PPARA: variants seen among roughly 807,000 people sequenced by gnomAD.
PPARA encodes the protein peroxisome proliferator activated receptor alpha.
A neutral mutation model predicts 42.2 loss-of-function variants in PPARA; 22 were observed. That is an observed-to-expected ratio of 0.52 (90% CI 0.37 to 0.74). The LOEUF (loss-of-function observed/expected upper bound fraction) is 0.74, where lower values mean the gene tolerates loss of function less well. PPARA is among the 30% of genes least tolerant of loss of function. PPARA has a pLI of 0.00. For synonymous variants in PPARA, 242 were observed against 239.3 expected, an observed-to-expected ratio of 1.01 and a Z score of -0.10; for missense variants, 465 against 608.2, an observed-to-expected ratio of 0.76 and a Z score of 2.48.
intron 4 of PPARA, among the ~76,000 whole-genome samples, chr22:46,205,273 G>A (rs1218008110): frequency 6.6e-6 from 1 of 151,290 alleles, no homozygotes; most frequent in East Asian, 1.9e-4. Flanking sequence ...CTGGAGTTCA[G>A]TGGCATGATC....
chr22:46,166,884 C>G (rs1601620722), intron 2 of PPARA, among the ~76,000 whole-genome samples: 1 of 151,982 alleles, frequency 6.6e-6, no homozygotes, highest in Non-Finnish European at 1.5e-5. Flanking sequence ...TAACCTGATT[C>G]TAAAGTTTAT....
At chr22:46,206,307 G>A (rs576315890) in intron 4 of PPARA, among the ~76,000 whole-genome samples, 4 of 152,128 alleles carry the variant, frequency 2.6e-5, no homozygotes, top group South Asian at 2.1e-4. Flanking sequence ...TACTAGAGAC[G>A]GGTTTCACTA....
Position 46,220,028 on chromosome 22 carries a change from G to C in PPARA, c.711+14G>C, listed in dbSNP as rs757545271. ...AGTAACAATCCAGTAGGTGTTTGCG[G>C]CTGTTCTGGGTTCTCTTGGCAACAT... is the stretch of plus-strand genomic sequence containing the variant. On this transcript the variant is annotated intron_variant, in intron 7 of 8. Transcript: ENST00000407236. 2 of 1,613,368 alleles carry C rather than the reference G, an allele frequency of 1.2e-6. No homozygotes were observed. Among genetic ancestry groups the C allele is most frequent in the Non-Finnish European group, 1.7e-6 (2 of 1,179,922 alleles).
Position 46,195,047 on chromosome 22 carries a change from C to T in PPARA, c.-42-3295C>T, listed in dbSNP as rs148570514. The stretch of plus-strand genomic sequence containing the variant: ...TCTCCTGAGTAGCTGGGATTACAGG[C>T]GCCTACCACCACGCCCGGCTAATTT... On this transcript the variant is annotated intron_variant, in intron 3 of 8. Coordinates refer to ENST00000407236, the MANE Select transcript of PPARA (RefSeq NM_005036.6). This position sits in a 1 kb window ranked among gnomAD's most constrained non-coding sequence, Gnocchi z 4.6. 6.9e-3 allele frequency among the ~76,000 whole-genome samples: 1,035 copies of T among 150,742 alleles called. 16 individuals carry two copies. The highest frequency in any genetic ancestry group is 0.024 in the African/African-American group (998 of 41,078).
chr22:46,229,795 A>C (rs892359805), intron 7 of PPARA, among the ~76,000 whole-genome samples: 2 of 152,196 alleles, frequency 1.3e-5, no homozygotes, highest in Non-Finnish European at 2.9e-5. Flanking sequence ...GTAATTTTTT[A>C]AATATCCCCT....
intron 7 of PPARA, among the ~76,000 whole-genome samples, chr22:46,228,307 G>A (rs1935613213): frequency 6.6e-6 from 1 of 152,196 alleles, no homozygotes; most frequent in Admixed American, 6.5e-5. Flanking sequence ...GGCTGAAGCG[G>A]GTGGATCACC....
Position 46,184,601 on chromosome 22 carries a change from A to G in PPARA, c.-43+7765A>G, listed in dbSNP as rs1006586372. 6.6e-6 allele frequency among the ~76,000 whole-genome samples: 1 copy of G among 152,166 alleles called. No homozygotes were observed. ...TATTTGGCCAGGCACAGTGGCTCACACCTGTAATCCCAGCAATTTGGGAGG... is the reference window on the plus strand; with the variant it reads ...TATTTGGCCAGGCACAGTGGCTCACGCCTGTAATCCCAGCAATTTGGGAGG... On this transcript the variant is annotated intron_variant, in intron 3 of 8. Transcript: ENST00000407236. The surrounding 1 kb of genome is among the most constrained non-coding windows in gnomAD (Gnocchi z 4.4).
Position 46,163,398 on chromosome 22 carries a change from T to A in PPARA, c.-127+11428T>A, listed in dbSNP as rs981838391. 1 of 152,218 alleles carries A rather than the reference T, an allele frequency of 6.6e-6. No individual in the cohort carries two copies. Among genetic ancestry groups the A allele is most frequent in the Non-Finnish European group, 1.5e-5 (1 of 68,038 alleles). 9.4% of individuals were successfully genotyped at this position (152,218 alleles called of 1,614,324 possible). On this transcript the variant is annotated intron_variant, in intron 2 of 8. Coordinates refer to ENST00000407236, the MANE Select transcript of PPARA (RefSeq NM_005036.6). This position sits in a 1 kb window ranked among gnomAD's most constrained non-coding sequence, Gnocchi z 4.9. ...CTCTAATCATACATCTAATGACCTA[T>A]ATTGAAGATACACTGCCTGCTTAGT...
At chr22:46,207,231 AAAAAAG>A (rs1183817854) in intron 4 of PPARA, among the ~76,000 whole-genome samples, 11 of 151,954 alleles carry the variant, frequency 7.2e-5, no homozygotes, top group Non-Finnish European at 1.3e-4. Context: ...CCCCTGCAAA[AAAAAAG>A]AAAAAGAAAA....
rs1418916643 is a variant in PPARA, at chr22:46,234,829, C to G, written c.1160-304C>G. 6.6e-6 allele frequency among the ~76,000 whole-genome samples: 1 copy of G among 152,130 alleles called. No individual in the cohort carries two copies. Among genetic ancestry groups the G allele is most frequent in the Non-Finnish European group, 1.5e-5 (1 of 68,030 alleles). ...CTCCTACTAGCTCTAATTTTTCTCC[C>G]TGACAGGTGGTCATCAGGTAAATCA... is the stretch of plus-strand genomic sequence containing the variant. On this transcript the variant is annotated intron_variant, in intron 8 of 8. Transcript: ENST00000407236. The surrounding 1 kb of genome is among the most constrained non-coding windows in gnomAD (Gnocchi z 5.8).
At chr22:46,154,130 G>A (rs551705619) in intron 2 of PPARA, among the ~76,000 whole-genome samples, 81 of 152,100 alleles carry the variant, frequency 5.3e-4, no homozygotes, top group Non-Finnish European at 7.8e-4. Flanking sequence ...GCTACTGTCC[G>A]CAGTGCTGAA....
rs183903442 is a variant in PPARA at position 46,196,799 on chromosome 22, C to A, written c.-42-1543C>A. Among the ~76,000 whole-genome samples the A allele has an allele frequency of 2.9e-4, 44 of 152,202 alleles. 1 individual carries two copies. The highest frequency in any genetic ancestry group is 4.4e-4 in the Non-Finnish European group (30 of 67,992). On this transcript the variant is annotated intron_variant, in intron 3 of 8. Coordinates refer to ENST00000407236, the MANE Select transcript of PPARA (RefSeq NM_005036.6). The surrounding 1 kb of genome is among the most constrained non-coding windows in gnomAD (Gnocchi z 5.6). ...GTGCAGTGGTGCGACCTCAGCTCAC[C>A]GCAACCTCCGCCTCCCATGTTCAAG...
intron 3 of PPARA, among the ~76,000 whole-genome samples, chr22:46,189,915 C>A (rs2147320352): frequency 6.6e-6 from 1 of 152,188 alleles, no homozygotes; most frequent in South Asian, 2.1e-4. Flanking sequence ...CCATGTTGGC[C>A]AGGATGGTCT....
At chr22:46,202,780 T>G (rs566955618) in intron 4 of PPARA, among the ~76,000 whole-genome samples, 6 of 148,520 alleles carry the variant, frequency 4.0e-5, no homozygotes, top group Non-Finnish European at 7.4e-5. Context: ...GGACAGTCGC[T>G]TGAATCCAGG....
rs1871307750 is a variant in PPARA, at chr22:46,215,316, G to A, written c.352G>A (p.Ala118Thr). 3.7e-6 allele frequency: 6 copies of A among 1,614,156 alleles called. No homozygotes were observed. The highest frequency in any genetic ancestry group is 4.2e-6 in the Non-Finnish European group (5 of 1,180,030). ...CTCAGGCTATCATTACGGAGTCCAC[G>A]CGTGTGAAGGCTGCAAGGTAGAGGG... The part of the protein sequence containing the change: ...KASGYHYGVH[A>T]CEGCKGFFRR... Residue 118 changes from alanine (A) to threonine (T), a missense_variant, in exon 5 of 9, where the codon GCG (alanine) becomes ACG (threonine). Physicochemically the swap from Ala to Thr is moderately conservative, Grantham distance 58. Coordinates refer to ENST00000407236, the MANE Select transcript of PPARA (RefSeq NM_005036.6).
In PPARA at chr22:46,187,596, A is replaced by G. The variant is rs1020069330; in HGVS notation, c.-42-10746A>G. Among the ~76,000 whole-genome samples, 3 of 152,224 alleles carry G rather than the reference A, an allele frequency of 2.0e-5. No individual in the cohort carries two copies. In the South Asian group the frequency reaches 6.2e-4, roughly 32 times the overall value. ...GAATCTGGATTCCTTCTTGCCATCA[A>G]GACAATCCTGATACAAATCTGATCA... On this transcript the variant is annotated intron_variant, in intron 3 of 8. Coordinates refer to ENST00000407236, the MANE Select transcript of PPARA (RefSeq NM_005036.6). This position sits in a 1 kb window ranked among gnomAD's most constrained non-coding sequence, Gnocchi z 4.9.
At position 46,205,553 on chromosome 22, in the gene PPARA, TA is replaced by T. The variant is rs1161866694; in HGVS notation, c.208+6963del. Reference sequence around the variant, plus strand: ...ATATATATATATATATATATATATATATTTTTTTTTTTTTTTTTTTTTTTTT... The same window carrying T: ...ATATATATATATATATATATATATATTTTTTTTTTTTTTTTTTTTTTTTTT... On this transcript the variant is annotated intron_variant, in intron 4 of 8. Coordinates refer to ENST00000407236, the MANE Select transcript of PPARA (RefSeq NM_005036.6). Among the ~76,000 whole-genome samples, 221 of 30,898 alleles carry T rather than the reference TA, an allele frequency of 7.2e-3. 5 individuals carry two copies. Among genetic ancestry groups the T allele is most frequent in the African/African-American group, 9.8e-3 (58 of 5,908 alleles). The allele number at this position is 30,898 out of a possible 152,430, so 20.3% of individuals were successfully genotyped here.
rs1204488170 is a variant in PPARA, at chr22:46,204,021, G to C, written c.208+5430G>C. On this transcript the variant is annotated intron_variant, in intron 4 of 8. Coordinates refer to ENST00000407236, the MANE Select transcript of PPARA (RefSeq NM_005036.6). The surrounding 1 kb of genome is among the most constrained non-coding windows in gnomAD (Gnocchi z 5.2). ...TCTTTCCCCAGCCCCGTGCCTCCCTGCCTCCCTCCCCCAGTAAACCATGAA... is the reference window on the plus strand; with the variant it reads ...TCTTTCCCCAGCCCCGTGCCTCCCTCCCTCCCTCCCCCAGTAAACCATGAA... 3.3e-5 allele frequency among the ~76,000 whole-genome samples: 5 copies of C among 152,110 alleles called. No individual in the cohort carries two copies. The highest frequency in any genetic ancestry group is 1.3e-4 in the Admixed American group (2 of 15,258).
Position 46,196,358 on chromosome 22 carries a change from A to G in PPARA, c.-42-1984A>G, listed in dbSNP as rs1343462521. On this transcript the variant is annotated intron_variant, in intron 3 of 8. Transcript: ENST00000407236. The surrounding 1 kb of genome is among the most constrained non-coding windows in gnomAD (Gnocchi z 5.6). Reference sequence around the variant, plus strand: ...ACAATCATGGTCGAGGACCCCCTACATGAGCTGCCTTCATGGCTACAGGGA... The same window carrying G: ...ACAATCATGGTCGAGGACCCCCTACGTGAGCTGCCTTCATGGCTACAGGGA... Among the ~76,000 whole-genome samples, 2 of 152,202 alleles carry G rather than the reference A, an allele frequency of 1.3e-5. No homozygotes were observed. The highest frequency in any genetic ancestry group is 4.8e-5 in the African/African-American group (2 of 41,456).
Sources: allele counts gnomAD v4.1 joint callset (sites outside exome capture counted in the v4.1 genomes callset), GRCh38; gene constraint gnomAD v4.1.1; non-coding constraint Gnocchi (gnomAD v3.1); transcripts MANE v1.5; gene names NCBI Gene and HGNC (gene_info 2026-07-23, HGNC 2026-07-21).